The following MFSD6 variants were observed in gnomAD, a reference collection of about 807,000 sequenced individuals.
MFSD6 encodes major facilitator superfamily domain-containing protein 6.
Under a neutral mutation model 56.3 loss-of-function variants are expected in MFSD6, and 26 were observed. The ratio of observed to expected loss-of-function variants is 0.46; its 90% CI spans 0.34 to 0.64. The LOEUF is 0.64. MFSD6 is among the 30% of genes least tolerant of loss of function. MFSD6 has a pLI of 0.01. For missense variants in MFSD6, 750 were observed against 986.2 expected, an observed-to-expected ratio of 0.76 and a Z score of 3.21; for synonymous variants, 331 against 366.9, an observed-to-expected ratio of 0.90 and a Z score of 1.12.
At chr2:190,477,135 T>C (rs947090861) in intron 4 of MFSD6, 1 of 392,986 alleles carries the variant, frequency 2.5e-6, no homozygotes, top group South Asian at 1.1e-4. Context: ...AGCACACCAA[T>C]ATGGCACATG....
At position 190,447,657 on chromosome 2, in the gene MFSD6, A is replaced by C. The variant is rs895660167; in HGVS notation, c.1532+10096A>C. On this transcript the variant is annotated intron_variant, in intron 3 of 7. Coordinates refer to ENST00000392328, the MANE Select transcript of MFSD6 (RefSeq NM_017694.4). The surrounding 1 kb of genome is among the most constrained non-coding windows in gnomAD (Gnocchi z 4.5). ...AAAATTATAATTGCAGCTATTATTT[A>C]TATGTGGGTAGATTTCTATTTTCCT... 6.6e-6 allele frequency among the ~76,000 whole-genome samples: 1 copy of C among 152,208 alleles called. No homozygotes were observed. Among genetic ancestry groups the C allele is most frequent in the African/African-American group, 2.4e-5 (1 of 41,452 alleles).
intron 2 of MFSD6, among the ~76,000 whole-genome samples, chr2:190,428,228 C>T (rs148969029): frequency 6.6e-5 from 10 of 152,322 alleles, no homozygotes; most frequent in Admixed American, 1.3e-4. Context: ...GATGGAAATA[C>T]TACAATTTAT....
At chr2:190,419,987 A>G (rs1274304349) in intron 2 of MFSD6, among the ~76,000 whole-genome samples, 3 of 152,238 alleles carry the variant, frequency 2.0e-5, no homozygotes, top group Non-Finnish European at 2.9e-5. Context: ...GCACTAGAGA[A>G]TATTTCCCAG....
In MFSD6 at chr2:190,423,529, C is replaced by T. The variant is rs1685698752; in HGVS notation, c.-54+8116C>T. ...TGTAGTACAATTTGTTTAATTAGTC[C>T]TTCCATCCTTTGAAGGGCTTTTGGG... On this transcript the variant is annotated intron_variant, in intron 2 of 7. Coordinates refer to ENST00000392328, the MANE Select transcript of MFSD6 (RefSeq NM_017694.4). The surrounding 1 kb of genome is among the most constrained non-coding windows in gnomAD (Gnocchi z 4.3). Among the ~76,000 whole-genome samples, 1 of 152,118 alleles carries T rather than the reference C, an allele frequency of 6.6e-6. No homozygotes were observed. Among genetic ancestry groups the T allele is most frequent in the Admixed American group, 6.5e-5 (1 of 15,276 alleles).
chr2:190,449,817 G>C (rs1176810786), intron 3 of MFSD6, among the ~76,000 whole-genome samples: 1 of 151,526 alleles, frequency 6.6e-6, no homozygotes, highest in Admixed American at 6.6e-5. Context: ...TGAACAATGA[G>C]AACACATGGA....
intron 4 of MFSD6, among the ~76,000 whole-genome samples, chr2:190,479,313 T>C (rs1456452870): frequency 1.3e-5 from 2 of 152,196 alleles, no homozygotes; most frequent in Non-Finnish European, 2.9e-5. Flanking sequence ...TGTTATTCAG[T>C]AGGCAACTGG....
Position 190,471,614 on chromosome 2 carries a change from G to A in MFSD6, c.1630+1759G>A, listed in dbSNP as rs1253534408. Among the ~76,000 whole-genome samples, 3 of 152,200 alleles carry A rather than the reference G, an allele frequency of 2.0e-5. No homozygotes were observed. Among genetic ancestry groups the A allele is most frequent in the Admixed American group, 2.0e-4 (3 of 15,274 alleles). ...GGCTGGGAAGCTTGAACTGGGTGGA[G>A]CCCACCACAGCTCAAGGAGGCCTGC... On this transcript the variant is annotated intron_variant, in intron 4 of 7. Transcript: ENST00000392328. This position sits in a 1 kb window ranked among gnomAD's most constrained non-coding sequence, Gnocchi z 4.7.
chr2:190,444,554 G>A (rs1686502031), intron 3 of MFSD6, among the ~76,000 whole-genome samples: 1 of 152,166 alleles, frequency 6.6e-6, no homozygotes, highest in Non-Finnish European at 1.5e-5. Flanking sequence ...TAGTGTAGGG[G>A]AGATTTTATG....
At position 190,437,211 on chromosome 2, in the gene MFSD6, C is replaced by T. The variant is rs775458848; in HGVS notation, c.1182C>T (p.Asn394=). The T allele has an allele frequency of 6.2e-7, 1 of 1,614,222 alleles. No individual in the cohort carries two copies. Among genetic ancestry groups the T allele is most frequent in the African/African-American group, 1.3e-5 (1 of 75,050 alleles). ...CCACTCAGTTCCGGTTCCGCTACAA[C>T]CATTTCAAAAACGATGATTCTAAAG... ...IVATQFRFRY[N]HFKNDDSKGK... is the part of the protein sequence containing the mutation. Residue 394 remains asparagine, a synonymous_variant, in exon 3 of 8, where the codon AAC becomes AAT. Transcript: ENST00000392328. The surrounding 1 kb of genome is among the most constrained non-coding windows in gnomAD (Gnocchi z 5.9).
In MFSD6 at chr2:190,433,134, G is replaced by A. The variant is rs1432296992; in HGVS notation, c.-53-2843G>A. On this transcript the variant is annotated intron_variant, in intron 2 of 7. Coordinates refer to ENST00000392328, the MANE Select transcript of MFSD6 (RefSeq NM_017694.4). This position sits in a 1 kb window ranked among gnomAD's most constrained non-coding sequence, Gnocchi z 4.5. Reference sequence around the variant, plus strand: ...ACAGTGTGTGTGTATGTTTGGGTGTGTGTGTGTTTATTGTCATTTTAGTGG... The same window carrying A: ...ACAGTGTGTGTGTATGTTTGGGTGTATGTGTGTTTATTGTCATTTTAGTGG... 2.0e-5 allele frequency among the ~76,000 whole-genome samples: 3 copies of A among 152,174 alleles called. No homozygotes were observed. The East Asian group carries it at 5.8e-4, about 29-fold the overall frequency.
chr2:190,475,338 C>T (rs1049832865), intron 4 of MFSD6, among the ~76,000 whole-genome samples: 3 of 152,184 alleles, frequency 2.0e-5, no homozygotes, highest in Non-Finnish European at 4.4e-5. Flanking sequence ...CCCAAAATCT[C>T]CTTAAGCTGA....
chr2:190,493,061 A>T (rs948165091), intron 6 of MFSD6, among the ~76,000 whole-genome samples: 1 of 152,180 alleles, frequency 6.6e-6, no homozygotes, highest in Non-Finnish European at 1.5e-5. Flanking sequence ...AATGGCCTAA[A>T]TGCTCCACTT....
At chr2:190,482,313 C>G (rs1265873794) in intron 4 of MFSD6, among the ~76,000 whole-genome samples, 1 of 151,882 alleles carries the variant, frequency 6.6e-6, no homozygotes, top group African/African-American at 2.4e-5. Context: ...TAGACTTTTT[C>G]TTTTATTGCC....
chr2:190,455,934 C>CCT (rs1687010550), intron 3 of MFSD6, among the ~76,000 whole-genome samples: 1 of 65,368 alleles, frequency 1.5e-5, no homozygotes, highest in Non-Finnish European at 2.5e-5. Context: ...ATTTACTCTG[C>CCT]TTTTTTTTTT....
chr2:190,428,978 C>CT (rs1303828239), intron 2 of MFSD6, among the ~76,000 whole-genome samples: 4 of 151,944 alleles, frequency 2.6e-5, no homozygotes, highest in Non-Finnish European at 5.9e-5. Context: ...CAGCCTCAAT[C>CT]TTTTTTATTT....
chr2:190,457,178 C>T lies in MFSD6; in HGVS notation c.1533-12580C>T, dbSNP rs12998288. On this transcript the variant is annotated intron_variant, in intron 3 of 7. Transcript: ENST00000392328. This position sits in a 1 kb window ranked among gnomAD's most constrained non-coding sequence, Gnocchi z 5.1. ...TGTGGAAAATAGCACATTGCTATTA[C>T]CTACTGAAAGAGCATGGTCTGGCAG... Among the ~76,000 whole-genome samples, 75,485 of 151,878 alleles carry T rather than the reference C, an allele frequency of 0.5. 19,259 individuals are homozygous for T. The highest frequency in any genetic ancestry group is 0.65 in the Admixed American group (9,865 of 15,276).
chr2:190,490,783 T>G lies in MFSD6; in HGVS notation c.1891+917T>G, dbSNP rs1689301247. Among the ~76,000 whole-genome samples, 1 of 152,236 alleles carries G rather than the reference T, an allele frequency of 6.6e-6. No individual in the cohort carries two copies. Among genetic ancestry groups the G allele is most frequent in the Non-Finnish European group, 1.5e-5 (1 of 68,040 alleles). Reference sequence around the variant, plus strand: ...TTTTGGTCCCAGAACAGAGCTCATCTTCTTTGGGTGTCCTATCCTTTGCGG... The same window carrying G: ...TTTTGGTCCCAGAACAGAGCTCATCGTCTTTGGGTGTCCTATCCTTTGCGG... On this transcript the variant is annotated intron_variant, in intron 6 of 7. Transcript: ENST00000392328. The surrounding 1 kb of genome is among the most constrained non-coding windows in gnomAD (Gnocchi z 4.5).
intron 3 of MFSD6, among the ~76,000 whole-genome samples, chr2:190,455,822 A>G (rs141940753): frequency 6.6e-6 from 1 of 151,334 alleles, no homozygotes; most frequent in African/African-American, 2.4e-5. Context: ...AAAAAACTAT[A>G]TCAGTTACAG....
rs550556798 is a variant in MFSD6, at chr2:190,500,528, G to A, written c.*310G>A. The stretch of plus-strand genomic sequence containing the variant: ...TGCCAGTGCAGTAAGAGTTGAAACC[G>A]GCAGTTACACTAAGTAAGTGGAGGG... On this transcript the variant is annotated 3_prime_UTR_variant, in exon 8 of 8. Coordinates refer to ENST00000392328, the MANE Select transcript of MFSD6 (RefSeq NM_017694.4). The surrounding 1 kb of genome is among the most constrained non-coding windows in gnomAD (Gnocchi z 5.3). 3.9e-5 allele frequency: 12 copies of A among 310,352 alleles called. No homozygotes were observed. The highest frequency in any genetic ancestry group is 2.1e-4 in the African/African-American group (10 of 47,690). The allele number at this position is 310,352 out of a possible 1,614,324, so 19.2% of individuals were successfully genotyped here.
Sources: allele counts gnomAD v4.1 joint callset (sites outside exome capture counted in the v4.1 genomes callset), GRCh38; gene constraint gnomAD v4.1.1; non-coding constraint Gnocchi (gnomAD v3.1); transcripts MANE v1.5; gene names NCBI Gene and HGNC (gene_info 2026-07-23, HGNC 2026-07-21).